The following MECOM variants were observed in gnomAD, a reference collection of about 807,000 sequenced individuals.
MECOM encodes MDS1 and EVI1 complex locus, also known as histone-lysine N-methyltransferase MECOM.
MECOM carries 13 observed loss-of-function variants against 116.3 expected under a neutral mutation model. The ratio of observed to expected loss-of-function variants is 0.11; its 90% CI spans 0.07 to 0.18. The LOEUF is 0.18. Among genes scored for constraint, MECOM ranks in the 10% least tolerant of loss-of-function variants. The probability of loss-of-function intolerance (pLI) is 1.00; values close to 1 mark genes in which losing one functional copy is unlikely to be tolerated. For missense variants in MECOM, 1,299 were observed against 1,509.0 expected (o/e 0.86, Z 2.31); for synonymous variants, 528 against 535.2 (o/e 0.99, Z 0.19).
intron 9 of MECOM, among the ~76,000 whole-genome samples, chr3:169,111,247 C>A (rs906195262): frequency 6.6e-6 from 1 of 152,002 alleles, no homozygotes; most frequent in Non-Finnish European, 1.5e-5. Flanking sequence ...TACCGTGAAC[C>A]CATAGCACTC....
At chr3:169,210,386 C>T (rs1456570972) in intron 2 of MECOM, among the ~76,000 whole-genome samples, 1 of 152,166 alleles carries the variant, frequency 6.6e-6, no homozygotes, top group East Asian at 1.9e-4. Flanking sequence ...ACAAAAATAG[C>T]TGTACCAAGA....
chr3:169,636,978 G>T (rs902542339), intron 1 of MECOM, among the ~76,000 whole-genome samples: 2 of 152,138 alleles, frequency 1.3e-5, no homozygotes, highest in Non-Finnish European at 2.9e-5. Flanking sequence ...TCGTGCCCTT[G>T]TGTAGTCTCC....
At chr3:169,224,479 C>G (rs1239062806) in intron 2 of MECOM, among the ~76,000 whole-genome samples, 2 of 152,174 alleles carry the variant, frequency 1.3e-5, no homozygotes, top group African/African-American at 2.4e-5. Flanking sequence ...AGCCCCAACA[C>G]TTTCCCAGGC....
At chr3:169,367,844 AG>A (rs1729447052) in intron 2 of MECOM, among the ~76,000 whole-genome samples, 1 of 151,990 alleles carries the variant, frequency 6.6e-6, no homozygotes, top group African/African-American at 2.4e-5. Context: ...TCTGGTTCCT[AG>A]GCATGTATAT....
intron 1 of MECOM, among the ~76,000 whole-genome samples, chr3:169,661,047 C>T (rs906797267): frequency 6.6e-6 from 1 of 152,194 alleles, no homozygotes; most frequent in Non-Finnish European, 1.5e-5. Flanking sequence ...ATCATCAGAT[C>T]GGAAACGAGG....
chr3:169,128,912 T>G (rs928862583), intron 4 of MECOM, among the ~76,000 whole-genome samples: 3 of 152,158 alleles, frequency 2.0e-5, no homozygotes, highest in Non-Finnish European at 4.4e-5. Context: ...AAAGCCACAC[T>G]CCGCACAGAT....
At chr3:169,087,181 T>C (rs1718056947) in intron 16 of MECOM, among the ~76,000 whole-genome samples, 1 of 152,202 alleles carries the variant, frequency 6.6e-6, no homozygotes, top group Non-Finnish European at 1.5e-5. Flanking sequence ...ATCCCTTATC[T>C]GTAGGTTTTC....
At chr3:169,547,801 AGAGG>A in intron 1 of MECOM, among the ~76,000 whole-genome samples, 3 of 152,248 alleles carry the variant, frequency 2.0e-5, no homozygotes, top group Admixed American at 2.0e-4. Context: ...CCAGAGATCC[AGAGG>A]GAAGGCCATG....
chr3:169,147,583 G>A lies in MECOM; in HGVS notation c.376-3751C>T. 5 of 985,430 alleles carry A rather than the reference G, an allele frequency of 5.1e-6. No homozygotes were observed. In the African/African-American group the frequency reaches 5.2e-5, roughly 10 times the overall value. 61.0% of individuals were successfully genotyped at this position (985,430 alleles called of 1,614,324 possible). ...GACCCAAGTCCTATAGGGACAGACT[G>A]ATTATGGATGCACCATCCCCCTTAA... On this transcript the variant is annotated intron_variant, in intron 2 of 16. Transcript: ENST00000651503.
chr3:169,116,264 T>C lies in MECOM; in HGVS notation c.1608A>G (p.Pro536=). ...SPLMTHPQIL[P]ATQDILKALS... The stretch of plus-strand genomic sequence containing the variant: ...GTGCCTTCAAAATATCCTGTGTAGC[T>C]GGCAGTATCTGAGGATGTGTCATGA... The change falls in exon 8 of 17, where the codon CCA becomes CCG. Residue 536 remains proline (P), a synonymous_variant. Transcript: ENST00000651503. The C allele has an allele frequency of 6.2e-7, 1 of 1,614,224 alleles. No homozygotes were observed.
chr3:169,417,807 G>A (rs369188396), intron 1 of MECOM, among the ~76,000 whole-genome samples: 1 of 152,052 alleles, frequency 6.6e-6, no homozygotes, highest in Non-Finnish European at 1.5e-5. Context: ...GTCCTTTGTA[G>A]GGACACGGAT....
intron 1 of MECOM, among the ~76,000 whole-genome samples, chr3:169,566,811 G>T (rs1024659906): frequency 2.0e-5 from 3 of 152,226 alleles, no homozygotes; most frequent in African/African-American, 7.2e-5. Flanking sequence ...ATGCAGGAAT[G>T]AATTCGTGAA....
intron 3 of MECOM, among the ~76,000 whole-genome samples, chr3:169,132,476 A>G (rs956920810): frequency 1.5e-4 from 7 of 46,256 alleles, no homozygotes; most frequent in Non-Finnish European, 2.1e-4. Context: ...ATTCTACCAT[A>G]AAAATGTCAT....
chr3:169,369,331 T>A (rs1015297703), intron 2 of MECOM, among the ~76,000 whole-genome samples: 1 of 148,886 alleles, frequency 6.7e-6, no homozygotes, highest in East Asian at 2.0e-4. Context: ...GTCTATAAAC[T>A]TGATTGCAGC....
At chr3:169,622,092 G>C (rs1196878476) in intron 1 of MECOM, among the ~76,000 whole-genome samples, 1 of 152,124 alleles carries the variant, frequency 6.6e-6, no homozygotes, top group Non-Finnish European at 1.5e-5. Flanking sequence ...ACAGAGGTTT[G>C]TTTGTTTGTT....
intron 1 of MECOM, among the ~76,000 whole-genome samples, chr3:169,645,025 T>C (rs1459161337): frequency 6.6e-6 from 1 of 152,160 alleles, no homozygotes; most frequent in East Asian, 1.9e-4. Flanking sequence ...TCTGTGTCCG[T>C]CCCACTGATC....
At chr3:169,330,623 A>T (rs1468820617) in intron 2 of MECOM, among the ~76,000 whole-genome samples, 4 of 152,154 alleles carry the variant, frequency 2.6e-5, no homozygotes, top group Non-Finnish European at 2.9e-5. Flanking sequence ...GGAAATTTGC[A>T]TGGACATCTG....
intron 1 of MECOM, among the ~76,000 whole-genome samples, chr3:169,545,057 T>C (rs1366070434): frequency 6.6e-6 from 1 of 152,032 alleles, no homozygotes; most frequent in Non-Finnish European, 1.5e-5. Flanking sequence ...ATTTTTTTAA[T>C]TAAAAAAAAG....
intron 1 of MECOM, among the ~76,000 whole-genome samples, chr3:169,451,392 A>G (rs1745570091): frequency 6.6e-6 from 1 of 152,258 alleles, no homozygotes; most frequent in Non-Finnish European, 1.5e-5. Context: ...CTATGAAAAT[A>G]TTAACCATCT....
Sources: allele counts gnomAD v4.1 joint callset (sites outside exome capture counted in the v4.1 genomes callset), GRCh38; gene constraint gnomAD v4.1.1; transcripts MANE v1.5; gene names NCBI Gene and HGNC (gene_info 2026-07-23, HGNC 2026-07-21).